The following NELL1 variants were observed in gnomAD, a reference collection of about 807,000 sequenced individuals.
The protein encoded by NELL1 is neural EGFL like 1, also known as protein kinase C-binding protein NELL1.
NELL1 carries 76 observed loss-of-function variants against 107.4 expected under a neutral mutation model. The observed-to-expected ratio is 0.71, with a 90% CI of 0.59 to 0.86. NELL1 has a LOEUF of 0.86. NELL1 is among the 40% of genes least tolerant of loss of function. The pLI is 0.00. For synonymous variants in NELL1, 353 were observed against 341.2 expected, an observed-to-expected ratio of 1.03 and a Z score of -0.38; for missense variants, 1,024 against 1,005.5, an observed-to-expected ratio of 1.02 and a Z score of -0.25.
At chr11:21,550,804 G>A (rs1316322258) in intron 16 of NELL1, among the ~76,000 whole-genome samples, 1 of 152,022 alleles carries the variant, frequency 6.6e-6, no homozygotes, top group African/African-American at 2.4e-5. Context: ...TTTTGGCTTA[G>A]GATTGTCTTG....
intron 17 of NELL1, among the ~76,000 whole-genome samples, chr11:21,564,217 T>C (rs1856918898): frequency 6.6e-6 from 1 of 151,906 alleles, no homozygotes; most frequent in Non-Finnish European, 1.5e-5. Flanking sequence ...AGAAATCACT[T>C]AGGCTGAGGT....
At chr11:20,766,329 G>C (rs543578439) in intron 2 of NELL1, among the ~76,000 whole-genome samples, 1 of 152,330 alleles carries the variant, frequency 6.6e-6, no homozygotes, top group East Asian at 1.9e-4. Context: ...AGTGCAACCA[G>C]ATAGTGCCTC....
At chr11:21,185,049 G>A (rs1305903734) in intron 13 of NELL1, among the ~76,000 whole-genome samples, 2 of 151,670 alleles carry the variant, frequency 1.3e-5, no homozygotes, top group African/African-American at 2.4e-5. Context: ...CTTTTAGTGT[G>A]TTTTCCTCCC....
At chr11:21,158,333 A>G (rs946676880) in intron 13 of NELL1, among the ~76,000 whole-genome samples, 2 of 152,280 alleles carry the variant, frequency 1.3e-5, no homozygotes, top group African/African-American at 4.8e-5. Flanking sequence ...ATGTGAGTCA[A>G]TACTCCTCAA....
At chr11:20,955,243 A>T (rs535497014) in intron 11 of NELL1, among the ~76,000 whole-genome samples, 17 of 152,336 alleles carry the variant, frequency 1.1e-4, no homozygotes, top group African/African-American at 3.6e-4. Context: ...ATTTCCAGCC[A>T]GTTAGACTCT....
At chr11:20,860,341 C>T (rs192069135) in intron 4 of NELL1, among the ~76,000 whole-genome samples, 56 of 152,272 alleles carry the variant, frequency 3.7e-4, no homozygotes, top group African/African-American at 1.3e-3. Flanking sequence ...ATAGAGCTGC[C>T]ACCTAATAGG....
intron 10 of NELL1, among the ~76,000 whole-genome samples, chr11:20,942,710 A>G (rs1245758098): frequency 6.6e-6 from 1 of 152,192 alleles, no homozygotes; most frequent in East Asian, 1.9e-4. Context: ...TTTTACTTCT[A>G]GGAAGGGAAA....
chr11:20,908,771 G>C (rs965673341), intron 5 of NELL1, among the ~76,000 whole-genome samples: 2 of 152,196 alleles, frequency 1.3e-5, no homozygotes, highest in Admixed American at 1.3e-4. Flanking sequence ...CAGTTTGTTG[G>C]TTCCTCAAAA....
At chr11:21,300,420 C>T (rs1283053008) in intron 14 of NELL1, among the ~76,000 whole-genome samples, 1 of 151,974 alleles carries the variant, frequency 6.6e-6, no homozygotes, top group African/African-American at 2.4e-5. Flanking sequence ...GGTTTATTCA[C>T]ATTTCTGGGC....
intron 11 of NELL1, among the ~76,000 whole-genome samples, chr11:20,954,062 A>G (rs895055876): frequency 1.3e-5 from 2 of 152,208 alleles, no homozygotes; most frequent in African/African-American, 2.4e-5. Context: ...GGCTCTGTGT[A>G]CCTTCCACAA....
At chr11:20,738,723 G>T (rs1855819808) in intron 2 of NELL1, among the ~76,000 whole-genome samples, 1 of 152,134 alleles carries the variant, frequency 6.6e-6, no homozygotes, top group South Asian at 2.1e-4. Context: ...ATTTCCCAGG[G>T]TATTGTGAAT....
At chr11:20,992,678 A>G (rs1223105407) in intron 12 of NELL1, among the ~76,000 whole-genome samples, 2 of 150,766 alleles carry the variant, frequency 1.3e-5, no homozygotes, top group Non-Finnish European at 2.9e-5. Flanking sequence ...ATTGGATTGG[A>G]ATGACTGCTA....
chr11:21,240,582 C>A (rs150363026), intron 14 of NELL1, among the ~76,000 whole-genome samples: 113 of 152,118 alleles, frequency 7.4e-4, no homozygotes, highest in African/African-American at 2.6e-3. Flanking sequence ...TGCAAGTAGA[C>A]ACAGAAGCTG....
At chr11:21,477,757 A>AAAAT (rs1358914368) in intron 15 of NELL1, among the ~76,000 whole-genome samples, 1 of 152,036 alleles carries the variant, frequency 6.6e-6, no homozygotes, top group African/African-American at 2.4e-5. Flanking sequence ...TAGAGATTTC[A>AAAAT]AAATAGCTGT....
intron 2 of NELL1, among the ~76,000 whole-genome samples, chr11:20,715,089 A>G (rs1855211447): frequency 6.6e-6 from 1 of 152,052 alleles, no homozygotes; most frequent in African/African-American, 2.4e-5. Context: ...TAAAAATAAA[A>G]AAAAAATTAG....
rs201497390 is a variant in NELL1 at position 21,560,234 on chromosome 11, C to T, written c.1832C>T (p.Ser611Phe). 43 of 1,613,724 alleles carry T rather than the reference C, an allele frequency of 2.7e-5. No individual in the cohort carries two copies. The highest frequency in any genetic ancestry group is 3.3e-5 in the Non-Finnish European group (39 of 1,179,748). Residue 611 changes from serine to phenylalanine, a missense_variant, in exon 17 of 20, where the codon TCT becomes TTT. Ser to Phe is a radical substitution (Grantham distance 155). Transcript: ENST00000357134. ...AGAACTCACACCTGTTGGAACGATT[C>T]TGCCTGCATCAACCTGGCAGGGGGC... is the stretch of plus-strand genomic sequence containing the variant. ...ALRTHTCWND[S>F]ACINLAGGFD...
At chr11:21,445,214 A>G (rs940646335) in intron 15 of NELL1, among the ~76,000 whole-genome samples, 3 of 152,166 alleles carry the variant, frequency 2.0e-5, no homozygotes, top group African/African-American at 7.2e-5. Context: ...ACACACCACA[A>G]TAGCAGTGTT....
At chr11:21,052,851 G>C (rs994012413) in intron 12 of NELL1, among the ~76,000 whole-genome samples, 2 of 152,080 alleles carry the variant, frequency 1.3e-5, no homozygotes, top group Non-Finnish European at 2.9e-5. Context: ...TGGGTGAGTC[G>C]AGGGAGTGGG....
At chr11:20,889,247 C>G (rs931689496) in intron 5 of NELL1, among the ~76,000 whole-genome samples, 3 of 152,072 alleles carry the variant, frequency 2.0e-5, no homozygotes, top group Non-Finnish European at 4.4e-5. Flanking sequence ...TAGCCAGTGA[C>G]AAAACACAAA....
Sources: allele counts gnomAD v4.1 joint callset (sites outside exome capture counted in the v4.1 genomes callset), GRCh38; gene constraint gnomAD v4.1.1; transcripts MANE v1.5; gene names NCBI Gene and HGNC (gene_info 2026-07-23, HGNC 2026-07-21).